HNRNPAB: variants seen among roughly 807,000 people sequenced by gnomAD.
HNRNPAB encodes heterogeneous nuclear ribonucleoprotein A/B, also known as ABBP-1.
A neutral mutation model predicts 44.1 loss-of-function variants in HNRNPAB; 17 were observed. The ratio of observed to expected loss-of-function variants is 0.39; its 90% CI spans 0.26 to 0.58. The LOEUF (loss-of-function observed/expected upper bound fraction) is 0.58, where lower values mean the gene tolerates loss of function less well. Among genes scored for constraint, HNRNPAB ranks in the 20% least tolerant of loss-of-function variants. HNRNPAB has a pLI of 0.63. For missense variants in HNRNPAB, 393 were observed against 432.7 expected (o/e 0.91, Z 0.81); for synonymous variants, 183 against 167.6 (o/e 1.09, Z -0.71).
chr5:178,210,006 C>G (rs1757697494), intron 6 of HNRNPAB, 126 bp from the exon 7 acceptor site: 1 of 1,335,970 alleles, frequency 7.5e-7, no homozygotes, highest in Admixed American at 2.4e-5. Flanking sequence ...ACCAGAACAG[C>G]AGCCCCTTGG....
In HNRNPAB at chr5:178,209,335, G is replaced by A; in HGVS notation, c.675G>A (p.Glu225=). The A allele has an allele frequency of 6.2e-7, 1 of 1,614,028 alleles. No homozygotes were observed. The highest frequency in any genetic ancestry group is 8.5e-7 in the Non-Finnish European group (1 of 1,179,924). Reference sequence around the variant, plus strand: ...ACTGTCCTCTTGACTTTTAGTGTGAGATCAAGGTGGCCCAGCCCAAAGAAG... The same window carrying A: ...ACTGTCCTCTTGACTTTTAGTGTGAAATCAAGGTGGCCCAGCCCAAAGAAG... ...KFHTVSGSKC[E]IKVAQPKEVY... Residue 225 remains glutamate (E), a synonymous_variant, in exon 6 of 8, where the codon GAG becomes GAA. Coordinates refer to ENST00000358344, the MANE Select transcript of HNRNPAB (RefSeq NM_031266.3).
chr5:178,206,528 G>T (rs1355326180), intron 3 of HNRNPAB, among the ~76,000 whole-genome samples: 1 of 152,228 alleles, frequency 6.6e-6, no homozygotes, highest in Non-Finnish European at 1.5e-5. Flanking sequence ...AAAGGCTTAA[G>T]TGTGAGGACT....
chr5:178,206,058 T>A (rs1757043910), intron 3 of HNRNPAB, 48 bp downstream of exon 3: 1 of 1,534,556 alleles, frequency 6.5e-7, no homozygotes, highest in Non-Finnish European at 9.0e-7. Flanking sequence ...ACGATTTGAA[T>A]TCTAAGAGGA....
Position 178,204,968 on chromosome 5 carries a change from C to T in HNRNPAB, c.131C>T (p.Thr44Ile), listed in dbSNP as rs1756982908. Residue 44 changes from threonine to isoleucine, a missense_variant, in exon 2 of 8, where the codon ACC (threonine) becomes ATC (isoleucine). Thr to Ile is a moderately conservative substitution (Grantham distance 89). This residue lies in a region of HNRNPAB where 81 missense variants were observed against 73.4 expected (regional missense o/e 1.10). Coordinates refer to ENST00000358344, the MANE Select transcript of HNRNPAB (RefSeq NM_031266.3). Reference sequence around the variant, plus strand: ...GCCGCGGCGGGGGCTGGAGGCGCGACCGCGGCGCCCCCGAGCGGGAATCAG... The same window carrying T: ...GCCGCGGCGGGGGCTGGAGGCGCGATCGCGGCGCCCCCGAGCGGGAATCAG... Reference protein sequence around the residue: ...TGAAAGAGGATAAPPSGNQNG... With the variant: ...TGAAAGAGGAIAAPPSGNQNG... 1.7e-6 allele frequency: 2 copies of T among 1,209,368 alleles called. No individual in the cohort carries two copies. Among genetic ancestry groups the T allele is most frequent in the East Asian group, 6.7e-5 (2 of 29,804 alleles). The allele number at this position is 1,209,368 out of a possible 1,614,324, so 74.9% of individuals were successfully genotyped here.
At chr5:178,207,455 G>T (rs1232569435) in intron 5 of HNRNPAB, among the ~76,000 whole-genome samples, 2 of 152,184 alleles carry the variant, frequency 1.3e-5, no homozygotes, top group South Asian at 4.1e-4. Context: ...GTAGGAGAAG[G>T]TGGCCTCTGT....
chr5:178,206,375 G>A (rs1246156854), intron 3 of HNRNPAB, among the ~76,000 whole-genome samples: 1 of 152,206 alleles, frequency 6.6e-6, no homozygotes, highest in Admixed American at 6.5e-5. Flanking sequence ...AGAAATGTAA[G>A]TAGAAGAGGT....
chr5:178,210,112 G>C lies in HNRNPAB; in HGVS notation c.788-20G>C, dbSNP rs768498416. ...TATGCTAAATGGTCCACGGGCCCCT[G>C]TGCCCTGCTCCCCCCACAGGTCAGA... On this transcript the variant is annotated intron_variant, in intron 6 of 7. Transcript: ENST00000358344. 6.2e-7 allele frequency: 1 copy of C among 1,613,442 alleles called. No homozygotes were observed. The highest frequency in any genetic ancestry group is 1.3e-5 in the African/African-American group (1 of 74,882).
chr5:178,210,632 C>T lies in HNRNPAB; in HGVS notation c.*9C>T, dbSNP rs1275134593. 1 of 1,608,058 alleles carries T rather than the reference C, an allele frequency of 6.2e-7. No individual in the cohort carries two copies. The highest frequency in any genetic ancestry group is 8.5e-7 in the Non-Finnish European group (1 of 1,174,592). Reference sequence around the variant, plus strand: ...ACTACAAGCCATACTGAGGCGGCAGCAGGAGCGACCAACTGATCGCACACA... The same window carrying T: ...ACTACAAGCCATACTGAGGCGGCAGTAGGAGCGACCAACTGATCGCACACA... On this transcript the variant is annotated 3_prime_UTR_variant, in exon 8 of 8. Transcript: ENST00000358344.
At chr5:178,205,507 G>C (rs1468985317) in intron 2 of HNRNPAB, 1 of 178,888 alleles carries the variant, frequency 5.6e-6, no homozygotes, top group Non-Finnish European at 1.2e-5. Flanking sequence ...TCCTTGAAAC[G>C]AGTTCTCAGG....
At chr5:178,205,395 G>C (rs1317320884) in intron 2 of HNRNPAB, among the ~76,000 whole-genome samples, 2 of 152,076 alleles carry the variant, frequency 1.3e-5, no homozygotes, top group African/African-American at 2.4e-5. Context: ...TGCGTGGGCG[G>C]AGTTGGCGCG....
rs930562251 is a variant in HNRNPAB at position 178,211,004 on chromosome 5, G to A, written c.*381G>A. On this transcript the variant is annotated 3_prime_UTR_variant, in exon 8 of 8. Transcript: ENST00000358344. ...CACCTTTTAATTTTATATTATTTGC[G>A]TCATACATTTCCTGTAACGGAAGTG... 4.1e-5 allele frequency: 9 copies of A among 217,686 alleles called. No individual in the cohort carries two copies. The highest frequency in any genetic ancestry group is 1.8e-4 in the South Asian group (2 of 11,256). 13.5% of individuals were successfully genotyped at this position (217,686 alleles called of 1,614,324 possible).
In HNRNPAB at chr5:178,204,534, G is replaced by A. The variant is rs996259365; in HGVS notation, c.-230G>A. 4.9e-6 allele frequency: 1 copy of A among 202,378 alleles called. No individual in the cohort carries two copies. Among genetic ancestry groups the A allele is most frequent in the Non-Finnish European group, 9.9e-6 (1 of 101,350 alleles). 12.5% of individuals were successfully genotyped at this position (202,378 alleles called of 1,614,324 possible). A position where few individuals can be genotyped will look rare whatever the true frequency, so the allele number is the denominator to read the frequency against. ...AGGGCGCCACGAGTCGGCATTGTCA[G>A]GCGGCGGCACCGCGCGGGACGGAGC... is the stretch of plus-strand genomic sequence containing the variant. On this transcript the variant is annotated 5_prime_UTR_variant, in exon 1 of 8. Transcript: ENST00000358344.
At position 178,204,942 on chromosome 5, in the gene HNRNPAB, C is replaced by T. The variant is rs923312859; in HGVS notation, c.105C>T (p.Gly35=). 4 of 1,210,304 alleles carry T rather than the reference C, an allele frequency of 3.3e-6. No homozygotes were observed. Among genetic ancestry groups the T allele is most frequent in the Non-Finnish European group, 4.1e-6 (4 of 974,194 alleles). The allele number at this position is 1,210,304 out of a possible 1,614,324, so 75.0% of individuals were successfully genotyped here. The part of the protein sequence containing the change: ...EGESPAGAGT[G]AAAGAGGATA... ...AGTCGCCGGCCGGGGCTGGCACGGGCGCCGCGGCGGGGGCTGGAGGCGCGA... is the reference window on the plus strand; with the variant it reads ...AGTCGCCGGCCGGGGCTGGCACGGGTGCCGCGGCGGGGGCTGGAGGCGCGA... The change falls in exon 2 of 8, where the codon GGC becomes GGT. Residue 35 remains glycine (G), a synonymous_variant. Transcript: ENST00000358344.
chr5:178,204,572 C>T lies in HNRNPAB; in HGVS notation c.-192C>T, dbSNP rs900737725. ...CGCGGGACGGAGCTTGGCTGTTGGT[C>T]GGTGGGTTCCCGTGCGGCGGCGGCC... On this transcript the variant is annotated 5_prime_UTR_variant, in exon 1 of 8. Transcript: ENST00000358344. 8.5e-6 allele frequency: 2 copies of T among 234,976 alleles called. No homozygotes were observed. Among genetic ancestry groups the T allele is most frequent in the East Asian group, 8.6e-5 (1 of 11,690 alleles). 14.6% of individuals were successfully genotyped at this position (234,976 alleles called of 1,614,324 possible).
In HNRNPAB at chr5:178,210,818, G is replaced by A. The variant is rs757835958; in HGVS notation, c.*195G>A. 3.3e-6 allele frequency: 2 copies of A among 603,826 alleles called. No individual in the cohort carries two copies. The highest frequency in any genetic ancestry group is 5.9e-6 in the Non-Finnish European group (2 of 336,298). 37.4% of individuals were successfully genotyped at this position (603,826 alleles called of 1,614,324 possible). ...TCTAGGTGTTTAGGCAGCGTGTGGT[G>A]TCTGAGAGGCCATAGCGCCATCATG... On this transcript the variant is annotated 3_prime_UTR_variant, in exon 8 of 8. Coordinates refer to ENST00000358344, the MANE Select transcript of HNRNPAB (RefSeq NM_031266.3).
At position 178,206,014 on chromosome 5, in the gene HNRNPAB, A is replaced by T. The variant is rs368987309; in HGVS notation, c.378+4A>T. 2 of 1,611,432 alleles carry T rather than the reference A, an allele frequency of 1.2e-6. No homozygotes were observed. Among genetic ancestry groups the T allele is most frequent in the Non-Finnish European group, 1.7e-6 (2 of 1,178,798 alleles). ...AGATGCAGCCAGTGTGGAGAAGGTA[A>T]GCTGGGTACTGGATTTCAGCAGTCT... On this transcript the variant is annotated splice_donor_region_variant and intron_variant, in intron 3 of 7. Coordinates refer to ENST00000358344, the MANE Select transcript of HNRNPAB (RefSeq NM_031266.3).
intron 5 of HNRNPAB, among the ~76,000 whole-genome samples, chr5:178,208,318 A>C (rs1407572410): frequency 6.6e-6 from 1 of 152,054 alleles, no homozygotes; most frequent in South Asian, 2.1e-4. Flanking sequence ...GATAGTCTTA[A>C]ATTTTCTATA....
intron 3 of HNRNPAB, 139 bp from the exon 4 acceptor site, chr5:178,206,593 T>G: frequency 1.2e-6 from 1 of 802,134 alleles, no homozygotes; most frequent in Non-Finnish European, 2.0e-6. Context: ...GAAAATTGGG[T>G]TGGGAGGTTA....
intron 1 of HNRNPAB, 27 bp from the exon 2 acceptor site, chr5:178,204,788 C>T: frequency 2.6e-6 from 3 of 1,162,600 alleles, no homozygotes; most frequent in Non-Finnish European, 2.1e-6. Context: ...CCGCGCCGGC[C>T]TGACGCGCTG....
Sources: gnomAD v4.1 joint callset for allele counts (sites outside exome capture counted in the v4.1 genomes callset) on GRCh38, gnomAD v4.1.1 for gene constraint, gnomAD v4.1.1 regional missense constraint, MANE v1.5 for transcripts, NCBI Gene and HGNC (gene_info 2026-07-23, HGNC 2026-07-21) for gene names.